The following SMAD3 variants were observed in gnomAD, a reference collection of about 807,000 sequenced individuals.
SMAD3 encodes MAD homolog 3.
In SMAD3, 12 loss-of-function variants were observed where a neutral mutation model predicts 51.8. That is an observed-to-expected ratio of 0.23 (90% confidence interval 0.15 to 0.38). The LOEUF (loss-of-function observed/expected upper bound fraction) is 0.38. Ranked by LOEUF, SMAD3 falls within the 10% of genes least tolerant of loss-of-function variation. The pLI, the probability that SMAD3 is intolerant of heterozygous loss-of-function variation, is 1.00. For synonymous variants in SMAD3, 238 were observed against 227.7 expected, an observed-to-expected ratio of 1.05 and a Z score of -0.41; for missense variants, 294 against 565.6, an observed-to-expected ratio of 0.52 and a Z score of 4.87.
At chr15:67,101,953 T>C (rs1960767544) in intron 1 of SMAD3, among the ~76,000 whole-genome samples, 2 of 152,232 alleles carry the variant, frequency 1.3e-5, no homozygotes, top group Admixed American at 1.3e-4. Flanking sequence ...GGAGTTGTAC[T>C]TGACACAGCT....
intron 1 of SMAD3, among the ~76,000 whole-genome samples, chr15:67,123,449 A>G (rs972778274): frequency 3.9e-5 from 6 of 152,228 alleles, no homozygotes; most frequent in African/African-American, 1.2e-4. Flanking sequence ...CAGTGAGCCA[A>G]GATTGTGCCA....
At chr15:67,145,579 C>T (rs1326722679) in intron 1 of SMAD3, among the ~76,000 whole-genome samples, 1 of 152,182 alleles carries the variant, frequency 6.6e-6, no homozygotes, top group Non-Finnish European at 1.5e-5. Context: ...TGTTCGGCAA[C>T]ATCATTGGGC....
chr15:67,125,642 G>T (rs1961366559), intron 1 of SMAD3: 1 of 897,328 alleles, frequency 1.1e-6, no homozygotes, highest in Non-Finnish European at 1.3e-6. Context: ...GTTTATTTTT[G>T]ATTTGAAATA....
chr15:67,125,600 A>AT (rs1961365662), intron 1 of SMAD3: 1 of 516,420 alleles, frequency 1.9e-6, no homozygotes, highest in Non-Finnish European at 2.5e-6. Context: ...TAACAGAGAC[A>AT]TCTGTGATGG....
At chr15:67,113,934 G>A (rs548839729) in intron 1 of SMAD3, among the ~76,000 whole-genome samples, 2 of 152,256 alleles carry the variant, frequency 1.3e-5, no homozygotes, top group South Asian at 4.1e-4. Context: ...TTTCAAATTG[G>A]GAATGTTTAT....
In SMAD3 at chr15:67,076,162, CA is replaced by C. The variant is rs377257854; in HGVS notation, c.206+9803del. Among the ~76,000 whole-genome samples the C allele has an allele frequency of 2.0e-4, 31 of 152,272 alleles. No individual in the cohort carries two copies. In the East Asian group the frequency reaches 4.4e-3, roughly 22 times the overall value. On this transcript the variant is annotated intron_variant, in intron 1 of 8. Transcript: ENST00000327367. ...GATCTACTTCAACACACACAGAGAACATACAGACATGCCACTTGTTGATGTA... is the reference window on the plus strand; with the variant it reads ...GATCTACTTCAACACACACAGAGAACTACAGACATGCCACTTGTTGATGTA...
intron 1 of SMAD3, among the ~76,000 whole-genome samples, chr15:67,131,426 ATTG>A (rs1319630933): frequency 1.3e-5 from 2 of 152,068 alleles, no homozygotes; most frequent in African/African-American, 4.8e-5. Flanking sequence ...CTCGGGTTTC[ATTG>A]TTGTTGTTTT....
chr15:67,117,466 C>G, intron 1 of SMAD3, among the ~76,000 whole-genome samples: 1 of 152,152 alleles, frequency 6.6e-6, no homozygotes, highest in Non-Finnish European at 1.5e-5. Context: ...GCAGGTCCCC[C>G]CAAGTTCCAG....
intron 1 of SMAD3, among the ~76,000 whole-genome samples, chr15:67,097,074 G>A (rs9302242): frequency 0.45 from 68,487 of 151,988 alleles, 17,009 homozygotes; most frequent in South Asian, 0.7. Context: ...GTCTCCTTGG[G>A]TGAGTCATTT....
intron 1 of SMAD3, among the ~76,000 whole-genome samples, chr15:67,091,350 G>A (rs992798521): frequency 6.6e-6 from 1 of 152,226 alleles, no homozygotes; most frequent in African/African-American, 2.4e-5. Context: ...GGCTGAAGGC[G>A]GTTTGGGGTG....
intron 1 of SMAD3, among the ~76,000 whole-genome samples, chr15:67,153,567 G>C (rs984659811): frequency 5.3e-5 from 8 of 152,286 alleles, no homozygotes; most frequent in Non-Finnish European, 1.2e-4. Flanking sequence ...GGGATCTCAA[G>C]GGGAGGGAAG....
chr15:67,143,420 T>C (rs60129177), intron 1 of SMAD3, among the ~76,000 whole-genome samples: 2,750 of 152,302 alleles, frequency 0.018, 82 homozygotes, highest in African/African-American at 0.062. Flanking sequence ...TTCAAATCCA[T>C]ATTTCCATCA....
At chr15:67,124,389 TC>T (rs1198253328) in intron 1 of SMAD3, among the ~76,000 whole-genome samples, 3 of 152,020 alleles carry the variant, frequency 2.0e-5, no homozygotes, top group African/African-American at 7.2e-5. Flanking sequence ...CTTGTTGATC[TC>T]CACAGTGAGA....
chr15:67,164,309 C>A (rs771976908), intron 1 of SMAD3, among the ~76,000 whole-genome samples: 1 of 98,970 alleles, frequency 1.0e-5, no homozygotes, highest in Non-Finnish European at 1.9e-5. Context: ...AGCGAGACTC[C>A]GTCTCAGAAA....
chr15:67,170,298 TGAGACCTCTGAGATCATAATCATAA>T (rs1487750277), intron 4 of SMAD3, among the ~76,000 whole-genome samples: 1 of 152,224 alleles, frequency 6.6e-6, no homozygotes, highest in Non-Finnish European at 1.5e-5. Context: ...TAAAACTATC[TGAGACCTCTGAGATCATAATCATAA>T]GAGACCTCTG....
At chr15:67,128,589 A>G (rs1442454300) in intron 1 of SMAD3, among the ~76,000 whole-genome samples, 1 of 152,048 alleles carries the variant, frequency 6.6e-6, no homozygotes, top group Non-Finnish European at 1.5e-5. Flanking sequence ...TGTTTTTCAA[A>G]GAGCTGGGGT....
chr15:67,156,970 T>C (rs1962299648), intron 1 of SMAD3, among the ~76,000 whole-genome samples: 1 of 152,066 alleles, frequency 6.6e-6, no homozygotes, highest in Non-Finnish European at 1.5e-5. Context: ...ATGCCACTCA[T>C]GGTAGGAGGA....
At chr15:67,116,990 A>G (rs1431985478) in intron 1 of SMAD3, among the ~76,000 whole-genome samples, 1 of 152,168 alleles carries the variant, frequency 6.6e-6, no homozygotes. Flanking sequence ...TCCTCCAGGA[A>G]GCCATTCTGG....
At chr15:67,142,409 G>A (rs1001949807) in intron 1 of SMAD3, among the ~76,000 whole-genome samples, 3 of 152,142 alleles carry the variant, frequency 2.0e-5, no homozygotes, top group African/African-American at 4.8e-5. Context: ...GAACTTTTGA[G>A]GACAAATCAC....
Sources: allele counts gnomAD v4.1 joint callset (sites outside exome capture counted in the v4.1 genomes callset), GRCh38; gene constraint gnomAD v4.1.1; transcripts MANE v1.5; gene names NCBI Gene and HGNC (gene_info 2026-07-23, HGNC 2026-07-21).